TYMP: variants seen among roughly 807,000 people sequenced by gnomAD.
The protein encoded by TYMP is gliostatin.
Under a neutral mutation model 42.3 loss-of-function variants are expected in TYMP, and 46 were observed. The observed-to-expected ratio is 1.09, with a 90% confidence interval of 0.86 to 1.39. TYMP has a LOEUF of 1.39. Among genes scored for constraint, TYMP ranks in the 40% most tolerant of loss-of-function variants. The probability of loss-of-function intolerance (pLI) is 0.00; values close to 1 mark genes in which losing one functional copy is unlikely to be tolerated. For synonymous variants in TYMP, 363 were observed against 308.0 expected (o/e 1.18, Z -1.87); for missense variants, 837 against 677.6 (o/e 1.24, Z -2.61).
intron 3 of TYMP, chr22:50,528,826 G>T: frequency 1.6e-6 from 1 of 624,030 alleles, no homozygotes; most frequent in Non-Finnish European, 2.9e-6. Flanking sequence ...AACAAGGCTT[G>T]GGGCAGAGGG....
intron 3 of TYMP, 68 bp from the exon 4 acceptor site, chr22:50,528,678 T>C: frequency 7.9e-7 from 1 of 1,271,988 alleles, no homozygotes; most frequent in Admixed American, 1.8e-5. Flanking sequence ...CCCTTCACCT[T>C]CCCTGGCTAG....
chr22:50,527,384 G>T, intron 5 of TYMP, 101 bp from the exon 6 acceptor site: 1 of 1,261,936 alleles, frequency 7.9e-7, no homozygotes, highest in Non-Finnish European at 1.2e-6. Flanking sequence ...TGAGCATTGA[G>T]GGTCAAGTCC....
At chr22:50,526,774 C>T in intron 6 of TYMP, 36 bp from the exon 7 acceptor site, 2 of 1,528,168 alleles carry the variant, frequency 1.3e-6, no homozygotes, top group Non-Finnish European at 8.8e-7. Flanking sequence ...CCCCCCATGG[C>T]GGGGCCTTCT....
At chr22:50,527,505 A>G (rs564235145) in intron 5 of TYMP, 83 bp downstream of exon 5, 2 of 1,603,658 alleles carry the variant, frequency 1.2e-6, no homozygotes, top group Admixed American at 3.3e-5. Flanking sequence ...GGTGACGGGT[A>G]ACTCCTAACG....
chr22:50,529,723 C>T lies in TYMP; in HGVS notation c.-10-4G>A. ...CAAGGCTGCCATCGCTCCGGGCCTG[C>T]GGGGATGCCTGACACGTCCGGGGTC... On this transcript the variant is annotated splice_polypyrimidine_tract_variant and splice_region_variant and intron_variant, in intron 1 of 9. Transcript: ENST00000252029. The T allele has an allele frequency of 3.1e-6, 5 of 1,603,066 alleles. No individual in the cohort carries two copies. In the South Asian group the frequency reaches 5.6e-5, roughly 18 times the overall value.
chr22:50,528,370 G>C, intron 4 of TYMP, 142 bp downstream of exon 4: 1 of 762,128 alleles, frequency 1.3e-6, no homozygotes, highest in African/African-American at 1.7e-5. Context: ...TGATGATTTC[G>C]GCCCAGGCCC....
chr22:50,527,443 C>A, intron 5 of TYMP, 145 bp downstream of exon 5: 1 of 1,388,306 alleles, frequency 7.2e-7, no homozygotes, highest in Non-Finnish European at 1.0e-6. Context: ...CAGGCCACCC[C>A]ACATGGTGGT....
In TYMP at chr22:50,526,386, A is replaced by G; in HGVS notation, c.1019T>C (p.Leu340Pro). The G allele has an allele frequency of 6.6e-7, 1 of 1,525,964 alleles. No individual in the cohort carries two copies. The highest frequency in any genetic ancestry group is 1.4e-5 in the African/African-American group (1 of 69,694). The allele number at this position is 1,525,964 out of a possible 1,614,324, so 94.5% of individuals were successfully genotyped here. A position where few individuals can be genotyped will look rare whatever the true frequency, so the allele number is the denominator to read the frequency against. Residue 340 changes from leucine to proline, a missense_variant, in exon 8 of 10, where the codon CTT (leucine) becomes CCT (proline). Coordinates refer to ENST00000252029, the MANE Select transcript of TYMP (RefSeq NM_001953.5). ...VAAALDDGSA[L>P]GRFERMLAAQ... Reference sequence around the variant, plus strand: ...CGCCAGCATCCGCTCGAAGCGGCCAAGGGCCGAGCCGTCGTCCAGCGCCGC... The same window carrying G: ...CGCCAGCATCCGCTCGAAGCGGCCAGGGGCCGAGCCGTCGTCCAGCGCCGC...
At chr22:50,527,485 C>G (rs574316067) in intron 5 of TYMP, 103 bp downstream of exon 5, 1 of 1,571,546 alleles carries the variant, frequency 6.4e-7, no homozygotes, top group African/African-American at 1.3e-5. Context: ...GGTAGGGGGG[C>G]ACACGGTCAG....
chr22:50,526,147 G>A lies in TYMP; in HGVS notation c.1160-6C>T. ...CCGGACCAGCTCCACGGTGCCTGCG[G>A]GGAGAGGGGCTGAGAGGCGCGGGCT... is the stretch of plus-strand genomic sequence containing the variant. On this transcript the variant is annotated splice_region_variant and splice_polypyrimidine_tract_variant and intron_variant, in intron 8 of 9. Coordinates refer to ENST00000252029, the MANE Select transcript of TYMP (RefSeq NM_001953.5). 8 of 1,482,496 alleles carry A rather than the reference G, an allele frequency of 5.4e-6. No homozygotes were observed. Among genetic ancestry groups the A allele is most frequent in the South Asian group, 1.3e-5 (1 of 77,854 alleles). 91.8% of individuals were successfully genotyped at this position (1,482,496 alleles called of 1,614,324 possible). A position where few individuals can be genotyped will look rare whatever the true frequency, so the allele number is the denominator to read the frequency against.
chr22:50,526,592 G>T lies in TYMP; in HGVS notation c.912C>A (p.Asp304Glu). The change falls in exon 7 of 10, where the codon GAC (aspartate) becomes GAA (glutamate). Residue 304 changes from aspartate (D) to glutamate (E), a missense_variant. Asp to Glu is a conservative substitution (Grantham distance 45). Transcript: ENST00000252029. ...MDGAGPPDLRDLVTTLGGALL... is the reference protein window; with the variant it reads ...MDGAGPPDLRELVTTLGGALL... Reference sequence around the variant, plus strand: ...CCCCCTCACCGAGCGTGGTGACCAGGTCCCTTAAGTCTGGCGGGCCTGCGC... The same window carrying T: ...CCCCCTCACCGAGCGTGGTGACCAGTTCCCTTAAGTCTGGCGGGCCTGCGC... 6.3e-7 allele frequency: 1 copy of T among 1,579,286 alleles called. No homozygotes were observed. Among genetic ancestry groups the T allele is most frequent in the Non-Finnish European group, 8.6e-7 (1 of 1,163,768 alleles).
rs2069534002 is a variant in TYMP at position 50,529,994 on chromosome 22, T to G, written c.-101A>C. On this transcript the variant is annotated 5_prime_UTR_variant, in exon 1 of 10. Coordinates refer to ENST00000252029, the MANE Select transcript of TYMP (RefSeq NM_001953.5). ...GGGTCGGGACCGTAGGGTTCAGGGT[T>G]CGCGCACAGCGGTCCACTGCCGGCG... The G allele has an allele frequency of 2.1e-6, 1 of 477,214 alleles. No individual in the cohort carries two copies. Among genetic ancestry groups the G allele is most frequent in the Non-Finnish European group, 3.7e-6 (1 of 268,634 alleles). The allele number at this position is 477,214 out of a possible 1,614,324, so 29.6% of individuals were successfully genotyped here.
At position 50,525,938 on chromosome 22, in the gene TYMP, T is replaced by C. The variant is rs1289308134; in HGVS notation, c.1301-20A>G. The C allele has an allele frequency of 2.4e-5, 35 of 1,435,326 alleles. No homozygotes were observed. In the East Asian group the frequency reaches 9.7e-4, roughly 40 times the overall value. The allele number at this position is 1,435,326 out of a possible 1,614,324, so 88.9% of individuals were successfully genotyped here. A position where few individuals can be genotyped will look rare whatever the true frequency, so the allele number is the denominator to read the frequency against. ...GGGTCCCTGCAGAGCGAGGGGCTGT[T>C]AGAGGCCGCGCGGCCGGAGCTGGGC... On this transcript the variant is annotated intron_variant, in intron 9 of 9. Coordinates refer to ENST00000252029, the MANE Select transcript of TYMP (RefSeq NM_001953.5).
In TYMP at chr22:50,526,391, C is replaced by T; in HGVS notation, c.1014G>A (p.Ser338=). Residue 338 remains serine (S), a synonymous_variant, in exon 8 of 10, where the codon TCG becomes TCA. Transcript: ENST00000252029. ...ARVAAALDDG[S]ALGRFERMLA... is the part of the protein sequence containing the mutation. ...GCATCCGCTCGAAGCGGCCAAGGGC[C>T]GAGCCGTCGTCCAGCGCCGCGGCCA... is the stretch of plus-strand genomic sequence containing the variant. The T allele has an allele frequency of 6.6e-7, 1 of 1,523,082 alleles. No homozygotes were observed. Among genetic ancestry groups the T allele is most frequent in the African/African-American group, 1.4e-5 (1 of 69,586 alleles). The allele number at this position is 1,523,082 out of a possible 1,614,324, so 94.3% of individuals were successfully genotyped here.
intron 1 of TYMP, 87 bp from the exon 2 acceptor site, chr22:50,529,806 T>C: frequency 2.5e-6 from 3 of 1,181,614 alleles, no homozygotes; most frequent in South Asian, 1.5e-5. Context: ...CCCTTTCCCG[T>C]GTCTCTCCGG....
chr22:50,529,759 C>T (rs762139992), intron 1 of TYMP, 40 bp from the exon 2 acceptor site: 30 of 1,552,222 alleles, frequency 1.9e-5, no homozygotes, highest in Non-Finnish European at 2.5e-5. Flanking sequence ...TGCGGCCTCC[C>T]GGCGTCGGTG....
intron 6 of TYMP, 100 bp from the exon 7 acceptor site, chr22:50,526,838 C>G: frequency 7.8e-7 from 1 of 1,277,984 alleles, no homozygotes; most frequent in Non-Finnish European, 1.1e-6. Flanking sequence ...GTTGCCAGCC[C>G]CCCAGCATGA....
intron 3 of TYMP, 32 bp from the exon 4 acceptor site, chr22:50,528,642 A>G (rs1374592786): frequency 3.9e-6 from 6 of 1,536,960 alleles, no homozygotes; most frequent in Non-Finnish European, 4.5e-6. Context: ...TACCCTGCAC[A>G]GTACCCCTCC....
rs1038583170 is a variant in TYMP, at chr22:50,528,670, C to G, written c.418-60G>C. 6 of 1,326,234 alleles carry G rather than the reference C, an allele frequency of 4.5e-6. No individual in the cohort carries two copies. In the East Asian group the frequency reaches 1.4e-4, roughly 31 times the overall value. The allele number at this position is 1,326,234 out of a possible 1,614,324, so 82.2% of individuals were successfully genotyped here. A position where few individuals can be genotyped will look rare whatever the true frequency, so the allele number is the denominator to read the frequency against. ...ACCCCTCCCCCACCTCTGTGCATCC[C>G]TTCACCTTCCCTGGCTAGGAGTGCA... On this transcript the variant is annotated intron_variant, in intron 3 of 9. Coordinates refer to ENST00000252029, the MANE Select transcript of TYMP (RefSeq NM_001953.5).
Sources: gnomAD v4.1 joint callset for allele counts on GRCh38, gnomAD v4.1.1 for gene constraint, MANE v1.5 for transcripts, NCBI Gene and HGNC (gene_info 2026-07-23, HGNC 2026-07-21) for gene names.